CSNK1G2: variants seen among roughly 807,000 people sequenced by gnomAD.
CSNK1G2 encodes casein kinase I isoform gamma-2.
CSNK1G2 carries 11 observed loss-of-function variants against 48.0 expected under a neutral mutation model. That is an observed-to-expected ratio of 0.23 (90% CI 0.14 to 0.38). CSNK1G2 has a LOEUF of 0.38. Among genes scored for constraint, CSNK1G2 ranks in the 10% least tolerant of loss-of-function variants. CSNK1G2 has a pLI of 1.00. For missense variants in CSNK1G2, 446 were observed against 595.5 expected, an observed-to-expected ratio of 0.75 and a Z score of 2.61; for synonymous variants, 337 against 254.1, an observed-to-expected ratio of 1.33 and a Z score of -3.10.
intron 2 of CSNK1G2, among the ~76,000 whole-genome samples, chr19:1,971,872 C>T (rs183398759): frequency 1.3e-5 from 2 of 151,898 alleles, no homozygotes; most frequent in Non-Finnish European, 2.9e-5. Flanking sequence ...CGGGTTCACG[C>T]CATTCTCCTG....
At chr19:1,952,305 G>T (rs1325964297) in intron 1 of CSNK1G2, among the ~76,000 whole-genome samples, 3 of 152,086 alleles carry the variant, frequency 2.0e-5, no homozygotes, top group Non-Finnish European at 4.4e-5. Context: ...CGGAGGGCGG[G>T]ATGCTTCCAC....
chr19:1,942,961 C>T (rs995449278), intron 1 of CSNK1G2, among the ~76,000 whole-genome samples: 2 of 152,210 alleles, frequency 1.3e-5, no homozygotes, highest in African/African-American at 2.4e-5. Context: ...GCCTTGACGT[C>T]TCTAGGGCCG....
chr19:1,947,213 C>CCAAGT (rs10675114), intron 1 of CSNK1G2, among the ~76,000 whole-genome samples: 21,487 of 152,124 alleles, frequency 0.14, 1,801 homozygotes, highest in African/African-American at 0.23. Context: ...GTGAGGCACC[C>CCAAGT]CAAGTCCTGG....
intron 1 of CSNK1G2, chr19:1,953,764 C>T (rs2014872613): frequency 2.2e-6 from 1 of 453,846 alleles, no homozygotes; most frequent in Admixed American, 2.3e-5. Flanking sequence ...CATTGTGCAG[C>T]CTTGCCCCCT....
intron 1 of CSNK1G2, among the ~76,000 whole-genome samples, chr19:1,950,903 T>C (rs1460204079): frequency 6.9e-6 from 1 of 145,894 alleles, no homozygotes; most frequent in Non-Finnish European, 1.5e-5. Context: ...TGGGAAGTTT[T>C]CGGTGAGCTG....
Position 1,952,716 on chromosome 19 carries a change from C to T in CSNK1G2, c.-266+11298C>T, listed in dbSNP as rs528892841. On this transcript the variant is annotated intron_variant, in intron 1 of 11. Coordinates refer to ENST00000255641, the MANE Select transcript of CSNK1G2 (RefSeq NM_001319.7). ...GGTCATGCGCCTAGCAGGCGTCGCC[C>T]GGTGCACAGGGCCAGGAGCTGAGTC... 108 of 267,580 alleles carry T rather than the reference C, an allele frequency of 4.0e-4. No homozygotes were observed. In the Middle Eastern group the frequency reaches 6.4e-3, roughly 16 times the overall value. 16.6% of individuals were successfully genotyped at this position (267,580 alleles called of 1,614,324 possible). A position where few individuals can be genotyped will look rare whatever the true frequency, so the allele number is the denominator to read the frequency against.
chr19:1,955,280 C>T (rs1417886289), intron 1 of CSNK1G2, among the ~76,000 whole-genome samples: 1 of 150,308 alleles, frequency 6.7e-6, no homozygotes, highest in Non-Finnish European at 1.5e-5. Flanking sequence ...GCGGCCCTGC[C>T]TGTCCTCTGA....
At chr19:1,943,701 C>G (rs1025610345) in intron 1 of CSNK1G2, among the ~76,000 whole-genome samples, 1 of 152,148 alleles carries the variant, frequency 6.6e-6, no homozygotes, top group Non-Finnish European at 1.5e-5. Context: ...CAGATGCGTC[C>G]GCAGAGCCAC....
At chr19:1,961,693 C>T (rs549566210) in intron 1 of CSNK1G2, among the ~76,000 whole-genome samples, 3 of 152,358 alleles carry the variant, frequency 2.0e-5, no homozygotes, top group South Asian at 4.1e-4. Flanking sequence ...ACAGATCCCT[C>T]TCCCAGGGCA....
At chr19:1,956,131 A>G (rs1464471860) in intron 1 of CSNK1G2, among the ~76,000 whole-genome samples, 1 of 152,190 alleles carries the variant, frequency 6.6e-6, no homozygotes, top group Non-Finnish European at 1.5e-5. Context: ...TGCGGGAGCC[A>G]GGACCTGAGA....
At chr19:1,943,696 G>GCGTCCGCAGAGC (rs1320083941) in intron 1 of CSNK1G2, among the ~76,000 whole-genome samples, 4 of 152,176 alleles carry the variant, frequency 2.6e-5, no homozygotes, top group Admixed American at 6.5e-5. Flanking sequence ...CCCAGCAGAT[G>GCGTCCGCAGAGC]CGTCCGCAGA....
At chr19:1,968,572 A>G (rs11084924) in intron 1 of CSNK1G2, among the ~76,000 whole-genome samples, 85,112 of 152,048 alleles carry the variant, frequency 0.56, 27,090 homozygotes, top group African/African-American at 0.87. Context: ...TGGGGCCCTC[A>G]GCTCTGGGCT....
In CSNK1G2 at chr19:1,979,019, A is replaced by G; in HGVS notation, c.608A>G (p.His203Arg). 1.3e-6 allele frequency: 2 copies of G among 1,598,142 alleles called. No individual in the cohort carries two copies. The highest frequency in any genetic ancestry group is 1.7e-6 in the Non-Finnish European group (2 of 1,179,426). Reference sequence around the variant, plus strand: ...TACATCGACCCCGAGACCAAGAAGCACATCCCGTACCGCGAGCACAAGAGC... The same window carrying G: ...TACATCGACCCCGAGACCAAGAAGCGCATCCCGTACCGCGAGCACAAGAGC... ...KEYIDPETKKHIPYREHKSLT... is the reference protein window; with the variant it reads ...KEYIDPETKKRIPYREHKSLT... The change falls in exon 6 of 12, where the codon CAC (histidine) becomes CGC (arginine). Residue 203 changes from histidine (H) to arginine (R), a missense_variant. Coordinates refer to ENST00000255641, the MANE Select transcript of CSNK1G2 (RefSeq NM_001319.7).
rs367790497 is a variant in CSNK1G2 at position 1,978,382 on chromosome 19, C to G, written c.228+37C>G. 1.9e-6 allele frequency: 3 copies of G among 1,605,962 alleles called. No homozygotes were observed. The South Asian group carries it at 3.3e-5, about 18-fold the overall frequency. ...CCTCCACCCCACCCCCGCTGACGTGCCCCCCAGGGATTTCAGGGCAGCGAC... is the reference window on the plus strand; with the variant it reads ...CCTCCACCCCACCCCCGCTGACGTGGCCCCCAGGGATTTCAGGGCAGCGAC... On this transcript the variant is annotated intron_variant, in intron 3 of 11. Transcript: ENST00000255641. The surrounding 1 kb of genome is among the most constrained non-coding windows in gnomAD (Gnocchi z 7.3).
intron 1 of CSNK1G2, among the ~76,000 whole-genome samples, chr19:1,967,518 G>A (rs560474297): frequency 0.43 from 131 of 308 alleles, no homozygotes; most frequent in Non-Finnish European, 0.45. Context: ...GTGCAGACAG[G>A]CAGGTGGCTG....
chr19:1,964,155 T>C (rs1414676320), intron 1 of CSNK1G2, among the ~76,000 whole-genome samples: 2 of 152,012 alleles, frequency 1.3e-5, no homozygotes, highest in East Asian at 3.9e-4. Context: ...TAGCTGGGCA[T>C]GGTGATGTGT....
rs1489511563 is a variant in CSNK1G2 at position 1,969,633 on chromosome 19, G to C, written c.-140G>C. On this transcript the variant is annotated 5_prime_UTR_variant, in exon 2 of 12. The change abolishes the stop of an existing upstream ORF in the 5' untranslated region. Coordinates refer to ENST00000255641, the MANE Select transcript of CSNK1G2 (RefSeq NM_001319.7). ...CGGCCCGAACGCCTGCGTCTCAGTA[G>C]CTGGGAGCCACGGGCCCACGCCCGC... The C allele has an allele frequency of 1.4e-6, 1 of 716,034 alleles. No individual in the cohort carries two copies. The highest frequency in any genetic ancestry group is 2.0e-6 in the Non-Finnish European group (1 of 505,584). The allele number at this position is 716,034 out of a possible 1,614,324, so 44.4% of individuals were successfully genotyped here.
intron 1 of CSNK1G2, chr19:1,952,932 C>T (rs761493059): frequency 2.2e-5 from 10 of 444,584 alleles, no homozygotes; most frequent in Admixed American, 1.7e-4. Context: ...GGAGGGAAAC[C>T]GGGGCGGGAT....
Position 1,979,544 on chromosome 19 carries a change from G to A in CSNK1G2, c.903G>A (p.Glu301=), listed in dbSNP as rs1379092788. Residue 301 remains glutamate (E), a synonymous_variant, in exon 9 of 12, where the codon GAG becomes GAA. Coordinates refer to ENST00000255641, the MANE Select transcript of CSNK1G2 (RefSeq NM_001319.7). ...LRYVRRLDFF[E]KPDYDYLRKL... ...ATGTGCGGCGCCTGGACTTCTTCGA[G>A]AAGCCCGACTATGACTACCTGCGGA... 6.2e-7 allele frequency: 1 copy of A among 1,608,718 alleles called. No individual in the cohort carries two copies. The highest frequency in any genetic ancestry group is 8.5e-7 in the Non-Finnish European group (1 of 1,179,780).
Sources: gnomAD v4.1 joint callset for allele counts (sites outside exome capture counted in the v4.1 genomes callset) on GRCh38, gnomAD v4.1.1 for gene constraint, Gnocchi (gnomAD v3.1) non-coding constraint, MANE v1.5 for transcripts, NCBI Gene and HGNC (gene_info 2026-07-23, HGNC 2026-07-21) for gene names.